CCDC60: variants seen among roughly 807,000 people sequenced by gnomAD.
The protein encoded by CCDC60 is coiled-coil domain containing 60, also known as coiled-coil domain-containing protein 60.
A neutral mutation model predicts 63.5 loss-of-function variants in CCDC60; 54 were observed. The ratio of observed to expected loss-of-function variants is 0.85; its 90% CI spans 0.68 to 1.07. CCDC60 has a LOEUF of 1.07. Ranked by LOEUF, CCDC60 falls within the 50% of genes least tolerant of loss-of-function variation. The pLI, the probability that CCDC60 is intolerant of heterozygous loss-of-function variation, is 0.00. For synonymous variants in CCDC60, 206 were observed against 238.8 expected, an observed-to-expected ratio of 0.86 and a Z score of 1.27; for missense variants, 651 against 684.3, an observed-to-expected ratio of 0.95 and a Z score of 0.54.
At chr12:119,470,120 C>T (rs1377031081) in intron 2 of CCDC60, among the ~76,000 whole-genome samples, 2 of 152,212 alleles carry the variant, frequency 1.3e-5, no homozygotes, top group African/African-American at 4.8e-5. Flanking sequence ...CATCATCAGA[C>T]TCACCTTTTT....
At chr12:119,390,516 T>C (rs966567250) in intron 1 of CCDC60, among the ~76,000 whole-genome samples, 2 of 152,202 alleles carry the variant, frequency 1.3e-5, no homozygotes, top group Non-Finnish European at 2.9e-5. Context: ...AATCAGTGAA[T>C]GGGTGAATGA....
At chr12:119,495,719 T>G (rs529305881) in intron 5 of CCDC60, among the ~76,000 whole-genome samples, 1 of 152,298 alleles carries the variant, frequency 6.6e-6, no homozygotes, top group Admixed American at 6.5e-5. Flanking sequence ...AAAATCTCAC[T>G]TTCCTCAAGC....
chr12:119,493,476 A>C (rs1027571284), intron 5 of CCDC60, among the ~76,000 whole-genome samples: 1 of 152,084 alleles, frequency 6.6e-6, no homozygotes, highest in Admixed American at 6.5e-5. Context: ...GGGTGAATGG[A>C]CAGATGACAG....
At chr12:119,495,020 T>A (rs1050519389) in intron 5 of CCDC60, among the ~76,000 whole-genome samples, 2 of 152,212 alleles carry the variant, frequency 1.3e-5, no homozygotes, top group Non-Finnish European at 2.9e-5. Flanking sequence ...TACTGTTTTA[T>A]GATGAAAATG....
chr12:119,449,517 G>C (rs1950594506), intron 2 of CCDC60, among the ~76,000 whole-genome samples: 1 of 152,116 alleles, frequency 6.6e-6, no homozygotes, highest in Non-Finnish European at 1.5e-5. Flanking sequence ...CACCACATCA[G>C]TGTAAGAAGG....
chr12:119,407,969 A>AAATTT (rs1956524894), intron 1 of CCDC60, among the ~76,000 whole-genome samples: 1 of 152,244 alleles, frequency 6.6e-6, no homozygotes, highest in African/African-American at 2.4e-5. Flanking sequence ...AAATTAAATT[A>AAATTT]AAAATAAAAA....
At chr12:119,371,824 A>G (rs1376164625) in intron 1 of CCDC60, among the ~76,000 whole-genome samples, 2 of 152,188 alleles carry the variant, frequency 1.3e-5, no homozygotes, top group Admixed American at 6.5e-5. Context: ...GGCTCTGGGA[A>G]GAGCCCATCC....
intron 2 of CCDC60, among the ~76,000 whole-genome samples, chr12:119,462,085 C>G (rs546652052): frequency 1.3e-5 from 2 of 152,290 alleles, no homozygotes; most frequent in East Asian, 3.9e-4. Context: ...ATCTGACTGC[C>G]TTGCCTGAAG....
At position 119,505,204 on chromosome 12, in the gene CCDC60, G is replaced by C; in HGVS notation, c.784G>C (p.Asp262His). ...CATGATCTCTGTGAACCCTGGCTCGGATGAGCCCCCAAGTGTGAACACCCA... is the reference window on the plus strand; with the variant it reads ...CATGATCTCTGTGAACCCTGGCTCGCATGAGCCCCCAAGTGTGAACACCCA... ...SSMISVNPGS[D>H]EPPSVNTQVT... Residue 262 changes from aspartate to histidine, a missense_variant, in exon 7 of 14, where the codon GAT (aspartate) becomes CAT (histidine). Transcript: ENST00000327554. The C allele has an allele frequency of 6.2e-7, 1 of 1,614,046 alleles. No homozygotes were observed.
chr12:119,396,870 G>A (rs1388597430), intron 1 of CCDC60, among the ~76,000 whole-genome samples: 1 of 152,186 alleles, frequency 6.6e-6, no homozygotes, highest in East Asian at 1.9e-4. Flanking sequence ...TCTTGGTCTC[G>A]CTGACTTCAA....
chr12:119,481,967 A>ATATATATG (rs1261516790), intron 4 of CCDC60, among the ~76,000 whole-genome samples: 132 of 125,896 alleles, frequency 1.0e-3, no homozygotes, highest in African/African-American at 4.4e-3. Context: ...ATTCCATCAT[A>ATATATATG]TATATATAGT....
At chr12:119,524,539 T>C (rs902282979) in intron 11 of CCDC60, 2 of 720,156 alleles carry the variant, frequency 2.8e-6, no homozygotes, top group Non-Finnish European at 3.4e-6. Context: ...ATCCTTGCCC[T>C]TTCCTTCTGG....
intron 11 of CCDC60, among the ~76,000 whole-genome samples, chr12:119,526,032 G>A (rs1232923367): frequency 6.6e-6 from 1 of 152,108 alleles, no homozygotes; most frequent in African/African-American, 2.4e-5. Flanking sequence ...AGGTGACAGT[G>A]ACCAAAACAG....
At chr12:119,430,181 CACACACACACACACACACACAT>C (rs1220295211) in intron 2 of CCDC60, among the ~76,000 whole-genome samples, 2 of 147,762 alleles carry the variant, frequency 1.4e-5, no homozygotes, top group African/African-American at 5.2e-5. Flanking sequence ...CATACACACA[CACACACACACACACACACACAT>C]ACACACACAC....
chr12:119,526,785 A>G (rs1264572033), intron 11 of CCDC60, among the ~76,000 whole-genome samples: 1 of 152,262 alleles, frequency 6.6e-6, no homozygotes, highest in African/African-American at 2.4e-5. Context: ...GGTCATGGAG[A>G]AAAAGGAATC....
At chr12:119,520,610 C>T (rs565796949) in intron 9 of CCDC60, among the ~76,000 whole-genome samples, 7 of 145,682 alleles carry the variant, frequency 4.8e-5, no homozygotes, top group Non-Finnish European at 9.0e-5. Flanking sequence ...GGTGTGATCT[C>T]GGCTGACTGC....
At chr12:119,441,010 C>T (rs1950433871) in intron 2 of CCDC60, among the ~76,000 whole-genome samples, 1 of 152,198 alleles carries the variant, frequency 6.6e-6, no homozygotes, top group Non-Finnish European at 1.5e-5. Context: ...CCCTGAGTGG[C>T]TGCAACTATT....
intron 1 of CCDC60, among the ~76,000 whole-genome samples, chr12:119,339,642 A>C (rs1395306528): frequency 6.6e-6 from 1 of 152,148 alleles, no homozygotes; most frequent in East Asian, 1.9e-4. Flanking sequence ...AAAACAGAAC[A>C]AAACAAAACA....
chr12:119,485,402 A>G (rs1382544482), intron 4 of CCDC60, among the ~76,000 whole-genome samples: 3 of 152,202 alleles, frequency 2.0e-5, no homozygotes, highest in African/African-American at 7.2e-5. Flanking sequence ...GTGTCAGTGG[A>G]TTAGTTTGCT....
Sources: gnomAD v4.1 joint callset for allele counts (sites outside exome capture counted in the v4.1 genomes callset) on GRCh38, gnomAD v4.1.1 for gene constraint, MANE v1.5 for transcripts, NCBI Gene and HGNC (gene_info 2026-07-23, HGNC 2026-07-21) for gene names.